Variants in PAK2 observed in about 807,000 individuals in gnomAD.
PAK2 encodes p21 (RAC1) activated kinase 2.
A neutral mutation model predicts 65.9 loss-of-function variants in PAK2; 21 were observed. The observed-to-expected ratio is 0.32, with a 90% CI of 0.23 to 0.46. The LOEUF is 0.46. Ranked by LOEUF, PAK2 falls within the 20% of genes least tolerant of loss-of-function variation. The pLI, the probability that PAK2 is intolerant of heterozygous loss-of-function variation, is 1.00. For missense variants in PAK2, 324 were observed against 642.6 expected (o/e 0.50, Z 5.36); for synonymous variants, 204 against 219.7 (o/e 0.93, Z 0.63).
intron 2 of PAK2, among the ~76,000 whole-genome samples, chr3:196,795,654 TA>T (rs1715235771): frequency 6.6e-6 from 1 of 152,208 alleles, no homozygotes; most frequent in Non-Finnish European, 1.5e-5. Flanking sequence ...GAAAAAAATC[TA>T]TCAGCCTAGA....
At chr3:196,767,280 A>G (rs1308039665) in intron 1 of PAK2, among the ~76,000 whole-genome samples, 2 of 152,044 alleles carry the variant, frequency 1.3e-5, no homozygotes, top group Admixed American at 6.6e-5. Context: ...CTTTGGATAG[A>G]TTTTTAGAAA....
chr3:196,764,137 G>A (rs1228440282), intron 1 of PAK2, among the ~76,000 whole-genome samples: 6 of 151,974 alleles, frequency 3.9e-5, no homozygotes, highest in Admixed American at 3.9e-4. Context: ...AAAACAATTG[G>A]CTTTTAGGTG....
intron 1 of PAK2, among the ~76,000 whole-genome samples, chr3:196,757,432 C>G (rs1325568893): frequency 6.6e-6 from 1 of 152,154 alleles, no homozygotes; most frequent in Non-Finnish European, 1.5e-5. Context: ...TTTTTCCATC[C>G]ACGTCATTTC....
chr3:196,819,900 G>T (rs1711594966), intron 12 of PAK2, among the ~76,000 whole-genome samples: 1 of 152,130 alleles, frequency 6.6e-6, no homozygotes, highest in South Asian at 2.1e-4. Context: ...CACTTTGGGA[G>T]GCCAAGGTGG....
At position 196,820,102 on chromosome 3, in the gene PAK2, C is replaced by T. The variant is rs1015582780; in HGVS notation, c.1154-269C>T. ...GCTTTACTTTTTCGTAGACCTCTTT[C>T]AGTTTTATTAAATTTTTTAGGATAG... On this transcript the variant is annotated intron_variant, in intron 12 of 14. Transcript: ENST00000327134. The surrounding 1 kb of genome is among the most constrained non-coding windows in gnomAD (Gnocchi z 4.6). Among the ~76,000 whole-genome samples the T allele has an allele frequency of 1.3e-5, 2 of 152,114 alleles. No individual in the cohort carries two copies. The highest frequency in any genetic ancestry group is 6.6e-5 in the Admixed American group (1 of 15,242).
intron 1 of PAK2, among the ~76,000 whole-genome samples, chr3:196,744,156 G>C (rs1032089226): frequency 6.6e-6 from 1 of 152,046 alleles, no homozygotes; most frequent in African/African-American, 2.4e-5. Context: ...AGGATCCTTT[G>C]AGTCCAGGAA....
At chr3:196,764,550 C>T (rs1374317595) in intron 1 of PAK2, among the ~76,000 whole-genome samples, 7 of 150,088 alleles carry the variant, frequency 4.7e-5, no homozygotes, top group South Asian at 2.1e-4. Context: ...ACCTGGGAGG[C>T]GGAGGTTGCA....
chr3:196,823,151 CTGA>C, intron 13 of PAK2, among the ~76,000 whole-genome samples: 2 of 152,196 alleles, frequency 1.3e-5, no homozygotes, highest in South Asian at 4.2e-4. Context: ...AGTCAAGAGG[CTGA>C]TGTCATAATT....
At chr3:196,814,305 G>A in intron 10 of PAK2, 146 bp from the exon 11 acceptor site, 1 of 592,454 alleles carries the variant, frequency 1.7e-6, no homozygotes, top group Admixed American at 3.2e-5. Flanking sequence ...CTGTTACGTA[G>A]CAGCTTTCCA....
At chr3:196,786,585 C>T (rs928357954) in intron 2 of PAK2, among the ~76,000 whole-genome samples, 1 of 152,050 alleles carries the variant, frequency 6.6e-6, no homozygotes. Context: ...AATCTTTGAG[C>T]TAGCTGGATT....
At chr3:196,747,506 A>G (rs537768930) in intron 1 of PAK2, among the ~76,000 whole-genome samples, 16 of 152,242 alleles carry the variant, frequency 1.1e-4, no homozygotes, top group Middle Eastern at 3.4e-3. Context: ...GGATAATTCT[A>G]TTCACTCATA....
intron 1 of PAK2, among the ~76,000 whole-genome samples, chr3:196,748,907 G>A (rs1443390534): frequency 6.6e-6 from 1 of 152,104 alleles, no homozygotes; most frequent in Admixed American, 6.5e-5. Flanking sequence ...TTTCCATCCT[G>A]CAAAACTGAA....
At chr3:196,754,033 C>T (rs746380732) in intron 1 of PAK2, among the ~76,000 whole-genome samples, 1 of 152,078 alleles carries the variant, frequency 6.6e-6, no homozygotes, top group Non-Finnish European at 1.5e-5. Flanking sequence ...TTTTACCACT[C>T]GTTTGATTTT....
intron 2 of PAK2, among the ~76,000 whole-genome samples, chr3:196,783,506 C>G (rs142713354): frequency 9.0e-4 from 134 of 148,840 alleles, no homozygotes; most frequent in African/African-American, 3.2e-3. Context: ...CACTTGAATA[C>G]GGGAGGTGGA....
At chr3:196,777,265 A>G (rs962147817) in intron 1 of PAK2, among the ~76,000 whole-genome samples, 1 of 152,086 alleles carries the variant, frequency 6.6e-6, no homozygotes, top group Admixed American at 6.6e-5. Flanking sequence ...GTGCAGTGGC[A>G]TGATCTTGGC....
chr3:196,821,132 C>T (rs941864480), intron 13 of PAK2, among the ~76,000 whole-genome samples: 4 of 152,092 alleles, frequency 2.6e-5, no homozygotes, highest in African/African-American at 4.8e-5. Context: ...TGAACAACTG[C>T]ACCTGGCCAC....
intron 2 of PAK2, among the ~76,000 whole-genome samples, chr3:196,800,251 GCATGC>G (rs2108754721): frequency 6.6e-6 from 1 of 152,222 alleles, no homozygotes; most frequent in South Asian, 2.1e-4. Flanking sequence ...GTATGATGGT[GCATGC>G]CTGTAATCCC....
At chr3:196,764,841 C>CTTTTTTTTTTT (rs57199433) in intron 1 of PAK2, among the ~76,000 whole-genome samples, 1 of 107,640 alleles carries the variant, frequency 9.3e-6, no homozygotes, top group Non-Finnish European at 1.9e-5. Context: ...TCTTTTCTTT[C>CTTTTTTTTTTT]TTTTTTTTTT....
chr3:196,803,276 T>A, intron 4 of PAK2, 112 bp downstream of exon 4: 1 of 852,050 alleles, frequency 1.2e-6, no homozygotes, highest in Non-Finnish European at 1.8e-6. Context: ...TTGATAACGG[T>A]TTTTCCCTGG....
Sources: allele counts gnomAD v4.1 joint callset (sites outside exome capture counted in the v4.1 genomes callset), GRCh38; gene constraint gnomAD v4.1.1; non-coding constraint Gnocchi (gnomAD v3.1); transcripts MANE v1.5; gene names NCBI Gene and HGNC (gene_info 2026-07-23, HGNC 2026-07-21).